MYO1D: variants seen among roughly 807,000 people sequenced by gnomAD.
MYO1D encodes the protein myosin ID.
A neutral mutation model predicts 122.0 loss-of-function variants in MYO1D; 83 were observed. That is an observed-to-expected ratio of 0.68 (90% CI 0.57 to 0.82). The LOEUF (loss-of-function observed/expected upper bound fraction) is 0.82, where lower values mean the gene tolerates loss of function less well. Among genes scored for constraint, MYO1D ranks in the 40% least tolerant of loss-of-function variants. The probability of loss-of-function intolerance (pLI) is 0.00; values close to 1 mark genes in which losing one functional copy is unlikely to be tolerated. For missense variants in MYO1D, 1,157 were observed against 1,269.5 expected (o/e 0.91, Z 1.35); for synonymous variants, 464 against 446.9 (o/e 1.04, Z -0.48).
chr17:32,589,514 C>T (rs942141758), intron 21 of MYO1D, among the ~76,000 whole-genome samples: 5 of 152,236 alleles, frequency 3.3e-5, no homozygotes, highest in South Asian at 2.1e-4. Flanking sequence ...TGCCTCTCGT[C>T]GGACCATGCA....
intron 20 of MYO1D, among the ~76,000 whole-genome samples, chr17:32,630,862 C>T (rs1010606077): frequency 6.6e-6 from 1 of 152,064 alleles, no homozygotes; most frequent in Non-Finnish European, 1.5e-5. Flanking sequence ...CATGAGCCAC[C>T]ACGCCCTGCC....
chr17:32,682,485 G>C (rs1274109026), intron 16 of MYO1D, among the ~76,000 whole-genome samples: 1 of 150,592 alleles, frequency 6.6e-6, no homozygotes, highest in Non-Finnish European at 1.5e-5. Context: ...TGTCTGTAAA[G>C]GATTTTATTT....
rs771404072 is a variant in MYO1D at position 32,772,799 on chromosome 17, G to A, written c.608C>T (p.Ser203Phe). ...VQQPGERSFH[S>F]FYQLLQGGSE... ...TAATGGATTACTAACCTGATAGAAAGAATGAAAGCTTCTTTCTCCTGGCTG... is the reference window on the plus strand; with the variant it reads ...TAATGGATTACTAACCTGATAGAAAAAATGAAAGCTTCTTTCTCCTGGCTG... Residue 203 changes from serine to phenylalanine, a missense_variant, in exon 5 of 22, where the codon TCT becomes TTT. By Grantham distance (155) the Ser-to-Phe change is radical (BLOSUM62 -2). Coordinates refer to ENST00000318217, the MANE Select transcript of MYO1D (RefSeq NM_015194.3). The A allele has an allele frequency of 5.0e-6, 8 of 1,612,040 alleles. No individual in the cohort carries two copies. In the Middle Eastern group the frequency reaches 9.9e-4, roughly 200 times the overall value.
At chr17:32,658,957 T>C in intron 17 of MYO1D, 158 bp downstream of exon 17, 2 of 727,068 alleles carry the variant, frequency 2.8e-6, no homozygotes, top group Non-Finnish European at 4.4e-6. Context: ...AAGCAGATGC[T>C]CTTTGAAAGC....
chr17:32,672,338 A>G (rs1411788342), intron 16 of MYO1D, among the ~76,000 whole-genome samples: 1 of 152,224 alleles, frequency 6.6e-6, no homozygotes, highest in Non-Finnish European at 1.5e-5. Context: ...ATATAAAGCA[A>G]TAATGCCTAT....
intron 1 of MYO1D, among the ~76,000 whole-genome samples, chr17:32,797,078 C>T (rs944181435): frequency 6.6e-6 from 1 of 151,942 alleles, no homozygotes; most frequent in African/African-American, 2.4e-5. Context: ...TCAAGCGATT[C>T]CCCTGCCTCA....
chr17:32,680,775 T>C (rs1479296450), intron 16 of MYO1D, among the ~76,000 whole-genome samples: 1 of 152,252 alleles, frequency 6.6e-6, no homozygotes, highest in East Asian at 1.9e-4. Context: ...TAAAATGAGT[T>C]AGGGAGGATT....
intron 21 of MYO1D, among the ~76,000 whole-genome samples, chr17:32,573,999 C>T (rs1042485681): frequency 6.6e-6 from 1 of 152,238 alleles, no homozygotes; most frequent in Admixed American, 6.5e-5. Flanking sequence ...ACTACAGGCG[C>T]CCGCCACCTC....
chr17:32,579,502 A>G (rs564286906), intron 21 of MYO1D, among the ~76,000 whole-genome samples: 1 of 152,340 alleles, frequency 6.6e-6, no homozygotes, highest in Admixed American at 6.5e-5. Flanking sequence ...GGCATGCTTT[A>G]TTAAGGCATC....
chr17:32,748,707 G>A (rs1455406473), intron 12 of MYO1D, among the ~76,000 whole-genome samples: 1 of 152,110 alleles, frequency 6.6e-6, no homozygotes, highest in Non-Finnish European at 1.5e-5. Flanking sequence ...ACTATGCCAG[G>A]AACTGTACGA....
intron 1 of MYO1D, among the ~76,000 whole-genome samples, chr17:32,849,859 T>C (rs1054589565): frequency 3.3e-5 from 5 of 152,222 alleles, no homozygotes; most frequent in African/African-American, 9.6e-5. Context: ...AAAATAAGTT[T>C]GAAGCCCAAA....
intron 20 of MYO1D, among the ~76,000 whole-genome samples, chr17:32,636,788 C>T (rs1292415334): frequency 1.3e-5 from 2 of 152,202 alleles, no homozygotes; most frequent in African/African-American, 4.8e-5. Flanking sequence ...CAATGAGTGC[C>T]TAGGCACTTC....
chr17:32,540,598 C>T (rs1910808785), intron 21 of MYO1D, among the ~76,000 whole-genome samples: 1 of 152,022 alleles, frequency 6.6e-6, no homozygotes, highest in Admixed American at 6.6e-5. Context: ...CACTGAGATA[C>T]CTTTTCATAT....
chr17:32,653,218 C>T (rs1246927445), intron 19 of MYO1D, among the ~76,000 whole-genome samples: 2 of 151,544 alleles, frequency 1.3e-5, no homozygotes, highest in Non-Finnish European at 2.9e-5. Context: ...AGCAGATATA[C>T]AGCTGCTATG....
chr17:32,583,581 G>A (rs2150902219), intron 21 of MYO1D, among the ~76,000 whole-genome samples: 1 of 152,046 alleles, frequency 6.6e-6, no homozygotes, highest in African/African-American at 2.4e-5. Context: ...TCTTTTCTTT[G>A]TGCTTCATTT....
chr17:32,874,005 C>T (rs1567681404), intron 1 of MYO1D, among the ~76,000 whole-genome samples: 1 of 152,170 alleles, frequency 6.6e-6, no homozygotes, highest in African/African-American at 2.4e-5. Flanking sequence ...AGTCAGCTTT[C>T]ATGCCGCCAA....
intron 1 of MYO1D, among the ~76,000 whole-genome samples, chr17:32,795,981 G>A (rs550925795): frequency 1.3e-5 from 2 of 152,132 alleles, no homozygotes; most frequent in African/African-American, 2.4e-5. Context: ...GCGCGCTCTC[G>A]GGGTTCGAAC....
intron 1 of MYO1D, among the ~76,000 whole-genome samples, chr17:32,873,946 C>T (rs1230863718): frequency 6.6e-6 from 1 of 152,220 alleles, no homozygotes; most frequent in Non-Finnish European, 1.5e-5. Flanking sequence ...CTCTCCACAA[C>T]ACCAACCCCT....
intron 21 of MYO1D, among the ~76,000 whole-genome samples, chr17:32,555,585 A>G (rs2087061373): frequency 6.6e-6 from 1 of 152,140 alleles, no homozygotes; most frequent in Admixed American, 6.5e-5. Flanking sequence ...CATAAAACCA[A>G]AATCTCTTGA....
Sources: gnomAD v4.1 joint callset for allele counts (sites outside exome capture counted in the v4.1 genomes callset) on GRCh38, gnomAD v4.1.1 for gene constraint, MANE v1.5 for transcripts, NCBI Gene and HGNC (gene_info 2026-07-23, HGNC 2026-07-21) for gene names.